The following CDH23 variants were observed in gnomAD, a reference collection of about 807,000 sequenced individuals.
The protein encoded by CDH23 is cadherin-23.
CDH23 carries 189 observed loss-of-function variants against 317.1 expected under a neutral mutation model. That is an observed-to-expected ratio of 0.60 (90% CI 0.53 to 0.67). The LOEUF (loss-of-function observed/expected upper bound fraction) is 0.67. Ranked by LOEUF, CDH23 falls within the 30% of genes least tolerant of loss-of-function variation. The pLI is 0.00. For missense variants in CDH23, 4,401 were observed against 4,592.4 expected, an observed-to-expected ratio of 0.96 and a Z score of 1.20; for synonymous variants, 1,839 against 1,876.8, an observed-to-expected ratio of 0.98 and a Z score of 0.52.
rs543788420 is a variant in CDH23 at position 71,787,566 on chromosome 10, A to G, written c.5821-1374A>G. Among the ~76,000 whole-genome samples, 178 of 152,168 alleles carry G rather than the reference A, an allele frequency of 1.2e-3. 1 individual carries two copies. The highest frequency in any genetic ancestry group is 4.1e-3 in the African/African-American group (169 of 41,494). On this transcript the variant is annotated intron_variant, in intron 44 of 69. Coordinates refer to ENST00000224721, the MANE Select transcript of CDH23 (RefSeq NM_022124.6). The stretch of plus-strand genomic sequence containing the variant: ...ATCCTCCCACCCTTCTGAGTCTCCA[A>G]TGACTCTTATTCCATTCTGTATATC...
intron 1 of CDH23, among the ~76,000 whole-genome samples, chr10:71,404,632 C>G (rs1035943232): frequency 6.6e-6 from 1 of 152,260 alleles, no homozygotes; most frequent in African/African-American, 2.4e-5. Context: ...GGGCAGAGCC[C>G]TGCTCTTCCC....
At chr10:71,545,598 C>G (rs1287958872) in intron 6 of CDH23, among the ~76,000 whole-genome samples, 1 of 152,198 alleles carries the variant, frequency 6.6e-6, no homozygotes, top group Non-Finnish European at 1.5e-5. Context: ...TCAGGGCCTA[C>G]TGTGTGCTAA....
intron 2 of CDH23, among the ~76,000 whole-genome samples, chr10:71,443,181 C>A (rs1002422202): frequency 2.0e-5 from 3 of 152,192 alleles, no homozygotes; most frequent in Non-Finnish European, 2.9e-5. Context: ...GGGAGGCGAC[C>A]GGGGCTTGGA....
intron 53 of CDH23, among the ~76,000 whole-genome samples, chr10:71,801,150 CTTTTTTT>C (rs386371783): frequency 1.1e-4 from 8 of 73,986 alleles, no homozygotes; most frequent in South Asian, 1.2e-3. Flanking sequence ...CTCTCTCTCT[CTTTTTTT>C]TTTTTTTTTT....
At chr10:71,587,897 A>G (rs914077551) in intron 9 of CDH23, among the ~76,000 whole-genome samples, 3 of 152,248 alleles carry the variant, frequency 2.0e-5, no homozygotes, top group Non-Finnish European at 4.4e-5. Context: ...AGAAAAAGCA[A>G]TAAGAGAGAA....
intron 9 of CDH23, among the ~76,000 whole-genome samples, chr10:71,581,537 A>C (rs1025792931): frequency 6.6e-6 from 1 of 152,248 alleles, no homozygotes; most frequent in African/African-American, 2.4e-5. Context: ...TTATGTCTGC[A>C]CACCAGTGCT....
Position 71,810,588 on chromosome 10 carries a change from T to C in CDH23, c.9077+19T>C. Reference sequence around the variant, plus strand: ...TGGACCGGTGAGTCGGGGCCTGTGTTTGGACTGTCAGCCTGTCTGTCTGCC... The same window carrying C: ...TGGACCGGTGAGTCGGGGCCTGTGTCTGGACTGTCAGCCTGTCTGTCTGCC... On this transcript the variant is annotated intron_variant, in intron 62 of 69. Coordinates refer to ENST00000224721, the MANE Select transcript of CDH23 (RefSeq NM_022124.6). 6.2e-7 allele frequency: 1 copy of C among 1,611,378 alleles called. No individual in the cohort carries two copies. Among genetic ancestry groups the C allele is most frequent in the Non-Finnish European group, 8.5e-7 (1 of 1,177,616 alleles).
Position 71,617,630 on chromosome 10 carries a change from T to G in CDH23, c.1134+237T>G, listed in dbSNP as rs1248886589. ...ATGTTTCCATATGTGTGGTTATTAT[T>G]TAGAAGTTACATACATGATCATCAT... On this transcript the variant is annotated intron_variant, in intron 11 of 69. Coordinates refer to ENST00000224721, the MANE Select transcript of CDH23 (RefSeq NM_022124.6). The G allele has an allele frequency of 2.7e-6, 3 of 1,111,288 alleles. No individual in the cohort carries two copies. In the African/African-American group the frequency reaches 4.7e-5, roughly 17 times the overall value. The allele number at this position is 1,111,288 out of a possible 1,614,324, so 68.8% of individuals were successfully genotyped here.
chr10:71,515,388 T>A (rs865825945), intron 6 of CDH23, among the ~76,000 whole-genome samples: 3 of 117,762 alleles, frequency 2.5e-5, no homozygotes, highest in African/African-American at 1.3e-4. Context: ...TCTCTCTCTC[T>A]CTCTCTCACA....
At chr10:71,681,703 G>A (rs1043796372) in intron 17 of CDH23, among the ~76,000 whole-genome samples, 2 of 152,224 alleles carry the variant, frequency 1.3e-5, no homozygotes. Flanking sequence ...TGGGGAGGCC[G>A]AGGCGGGAGG....
intron 1 of CDH23, among the ~76,000 whole-genome samples, chr10:71,416,985 T>G (rs1239203971): frequency 2.0e-5 from 3 of 152,008 alleles, no homozygotes; most frequent in African/African-American, 7.2e-5. Context: ...TCTCTCTGGC[T>G]CCTTTAAATT....
rs1446476046 is a variant in CDH23, at chr10:71,812,821, G to A, written c.9564G>A (p.Leu3188=). 2 of 1,613,598 alleles carry A rather than the reference G, an allele frequency of 1.2e-6. No homozygotes were observed. Among genetic ancestry groups the A allele is most frequent in the Non-Finnish European group, 8.5e-7 (1 of 1,179,682 alleles). ...TCAAGCCTGATGATGACCGATACCT[G>A]CGGGCTGCCATCCAGGAGTATGACA... ...AAVKPDDDRY[L]RAAIQEYDNI... is the part of the protein sequence containing the mutation. The change falls in exon 68 of 70, where the codon CTG becomes CTA. Residue 3188 remains leucine (L), a synonymous_variant. Coordinates refer to ENST00000224721, the MANE Select transcript of CDH23 (RefSeq NM_022124.6).
intron 31 of CDH23, among the ~76,000 whole-genome samples, chr10:71,731,255 C>G (rs60481174): frequency 0.029 from 4,382 of 152,334 alleles, 232 homozygotes; most frequent in African/African-American, 0.1. Flanking sequence ...CCACTGTCCC[C>G]CAGAGAGGCT....
chr10:71,726,458 A>T (rs1003535900), intron 30 of CDH23, among the ~76,000 whole-genome samples: 3 of 152,088 alleles, frequency 2.0e-5, no homozygotes, highest in Non-Finnish European at 4.4e-5. Context: ...GGGGTGGGTG[A>T]CTCAGCCCTG....
chr10:71,572,206 G>A (rs1411443212), intron 8 of CDH23, among the ~76,000 whole-genome samples: 1 of 152,234 alleles, frequency 6.6e-6, no homozygotes, highest in Non-Finnish European at 1.5e-5. Context: ...GGCAGTGGGA[G>A]CCCCTGCTTT....
At chr10:71,554,743 G>A (rs1259774810) in intron 6 of CDH23, among the ~76,000 whole-genome samples, 3 of 145,080 alleles carry the variant, frequency 2.1e-5, no homozygotes, top group Non-Finnish European at 4.5e-5. Flanking sequence ...TTTTTTTTTG[G>A]CCTTTGATTT....
At chr10:71,524,995 C>T (rs1303162555) in intron 6 of CDH23, among the ~76,000 whole-genome samples, 1 of 152,234 alleles carries the variant, frequency 6.6e-6, no homozygotes, top group Non-Finnish European at 1.5e-5. Flanking sequence ...GCAACCTCTG[C>T]CTCTTGGGTT....
chr10:71,468,885 C>T (rs1163683706), intron 3 of CDH23, among the ~76,000 whole-genome samples: 1 of 152,180 alleles, frequency 6.6e-6, no homozygotes, highest in African/African-American at 2.4e-5. Context: ...CCAGGACACC[C>T]TCCTCCTCCC....
intron 1 of CDH23, among the ~76,000 whole-genome samples, chr10:71,428,219 C>A (rs11593930): frequency 6.7e-6 from 1 of 149,470 alleles, no homozygotes; most frequent in South Asian, 2.1e-4. Context: ...CTTACTGCAA[C>A]CTCCGCCTCC....
Sources: gnomAD v4.1 joint callset for allele counts (sites outside exome capture counted in the v4.1 genomes callset) on GRCh38, gnomAD v4.1.1 for gene constraint, MANE v1.5 for transcripts, NCBI Gene and HGNC (gene_info 2026-07-23, HGNC 2026-07-21) for gene names.